The following CACNA1C variants were observed in gnomAD, a reference collection of about 807,000 sequenced individuals.
The protein encoded by CACNA1C is calcium voltage-gated channel subunit alpha1 C, also known as voltage-dependent L-type calcium channel subunit alpha-1C.
A neutral mutation model predicts 229.0 loss-of-function variants in CACNA1C; 30 were observed. The ratio of observed to expected loss-of-function variants is 0.13; its 90% CI spans 0.10 to 0.18. CACNA1C has a LOEUF of 0.18. Among genes scored for constraint, CACNA1C ranks in the 10% least tolerant of loss-of-function variants. The pLI, the probability that CACNA1C is intolerant of heterozygous loss-of-function variation, is 1.00. For synonymous variants in CACNA1C, 1,114 were observed against 1,132.5 expected (o/e 0.98, Z 0.33); for missense variants, 1,658 against 2,845.0 (o/e 0.58, Z 9.49).
At chr12:2,419,428 AC>A (rs1179003117) in intron 3 of CACNA1C, among the ~76,000 whole-genome samples, 1 of 151,902 alleles carries the variant, frequency 6.6e-6, no homozygotes, top group Non-Finnish European at 1.5e-5. Flanking sequence ...CGGCCTGAAC[AC>A]CCCCACCAGG....
chr12:2,648,486 T>A lies in CACNA1C; in HGVS notation c.3924T>A (p.His1308Gln), dbSNP rs2094568470. The change falls in exon 31 of 47, where the codon CAT (histidine) becomes CAA (glutamine). Residue 1308 changes from histidine to glutamine, a missense_variant. His to Gln is a conservative substitution (Grantham distance 24, BLOSUM62 0). Transcript: ENST00000399655. ...GCCTTTCTTTAAAGCCAGCTGAACA[T>A]ACCCAATGCTCTCCCTCTATGGTAA... ...IAITEVNPAE[H>Q]TQCSPSMNAE... 6.2e-7 allele frequency: 1 copy of A among 1,613,798 alleles called. No individual in the cohort carries two copies. The highest frequency in any genetic ancestry group is 1.3e-5 in the African/African-American group (1 of 74,928).
intron 1 of CACNA1C, among the ~76,000 whole-genome samples, chr12:2,057,614 A>G (rs974647409): frequency 5.3e-5 from 8 of 151,358 alleles, no homozygotes; most frequent in African/African-American, 1.9e-4. Flanking sequence ...TCCCACAGTG[A>G]CCTCTCCACC....
At chr12:2,368,737 G>A (rs987211550) in intron 3 of CACNA1C, among the ~76,000 whole-genome samples, 11 of 152,136 alleles carry the variant, frequency 7.2e-5, no homozygotes, top group African/African-American at 2.7e-4. Context: ...ACAGCCCAGG[G>A]TGTATTTTCT....
At chr12:2,682,701 G>A (rs1259685381) in intron 43 of CACNA1C, 23 bp downstream of exon 43, 1 of 1,602,710 alleles carries the variant, frequency 6.2e-7, no homozygotes, top group Non-Finnish European at 8.5e-7. Context: ...GCCCTCTGCT[G>A]AGGCTGACCC....
chr12:2,406,286 G>A (rs1194412740), intron 3 of CACNA1C, among the ~76,000 whole-genome samples: 2 of 152,150 alleles, frequency 1.3e-5, no homozygotes, highest in African/African-American at 2.4e-5. Flanking sequence ...TCTTGAATCT[G>A]TAGGTTTATG....
chr12:2,450,535 C>T (rs946334424), intron 4 of CACNA1C, among the ~76,000 whole-genome samples: 2 of 102,586 alleles, frequency 1.9e-5, no homozygotes, highest in Admixed American at 3.1e-4. Context: ...GCCTGGGCAA[C>T]AGAGCGAGAC....
intron 29 of CACNA1C, among the ~76,000 whole-genome samples, chr12:2,616,550 C>T (rs1048051321): frequency 6.6e-6 from 1 of 152,254 alleles, no homozygotes; most frequent in South Asian, 2.1e-4. Flanking sequence ...TGAGCTGGCC[C>T]TAAGAAGGCA....
rs80232801 is a variant in CACNA1C at position 2,181,288 on chromosome 12, T to C, written c.477+60858T>C. 0.029 allele frequency among the ~76,000 whole-genome samples: 4,345 copies of C among 152,270 alleles called. 186 individuals are homozygous for C. The highest frequency in any genetic ancestry group is 0.098 in the African/African-American group (4,082 of 41,528). ...AATTGCAGTCCTTTCACAGAGGCAG[T>C]TCCTGAGTCTCTAGTCTTGGGGCTC... On this transcript the variant is annotated intron_variant, in intron 3 of 46. Transcript: ENST00000399655. The surrounding 1 kb of genome is among the most constrained non-coding windows in gnomAD (Gnocchi z 4.0).
At chr12:2,073,519 A>G (rs1356546180) in intron 1 of CACNA1C, among the ~76,000 whole-genome samples, 3 of 152,204 alleles carry the variant, frequency 2.0e-5, no homozygotes, top group Admixed American at 2.0e-4. Flanking sequence ...CTCCAGGCCA[A>G]CTTTGCCAGG....
chr12:2,309,533 C>T (rs954800103), intron 3 of CACNA1C, among the ~76,000 whole-genome samples: 4 of 152,028 alleles, frequency 2.6e-5, no homozygotes, highest in African/African-American at 7.2e-5. Flanking sequence ...CTGTGTTATT[C>T]AGCTCTATTG....
intron 3 of CACNA1C, among the ~76,000 whole-genome samples, chr12:2,255,361 G>A (rs2077040010): frequency 6.6e-6 from 1 of 152,036 alleles, no homozygotes; most frequent in African/African-American, 2.4e-5. Flanking sequence ...TAACAGACCT[G>A]GGGTCATTCG....
chr12:2,176,248 G>A (rs536396173), intron 3 of CACNA1C, among the ~76,000 whole-genome samples: 1 of 152,148 alleles, frequency 6.6e-6, no homozygotes, highest in South Asian at 2.1e-4. Context: ...GAAGGCTGGA[G>A]TGCGTGAGGT....
intron 1 of CACNA1C, among the ~76,000 whole-genome samples, chr12:2,110,911 G>A (rs951942811): frequency 1.1e-5 from 1 of 92,448 alleles, no homozygotes; most frequent in Non-Finnish European, 2.4e-5. Context: ...GCCCAGGCCC[G>A]GAGGTGGTCA....
intron 3 of CACNA1C, among the ~76,000 whole-genome samples, chr12:2,192,713 T>TC (rs2097275995): frequency 6.7e-6 from 1 of 149,684 alleles, no homozygotes; most frequent in Admixed American, 6.6e-5. Flanking sequence ...TACCTGGCAC[T>TC]CCCCCCACTC....
chr12:2,079,330 C>G (rs2154043341), intron 1 of CACNA1C, among the ~76,000 whole-genome samples: 1 of 152,140 alleles, frequency 6.6e-6, no homozygotes, highest in African/African-American at 2.4e-5. Context: ...GTTTGGCTGC[C>G]ATAACAATTT....
chr12:2,255,390 C>G (rs1297836749), intron 3 of CACNA1C, among the ~76,000 whole-genome samples: 3 of 152,162 alleles, frequency 2.0e-5, no homozygotes, highest in African/African-American at 7.2e-5. Flanking sequence ...CAGGCAGGCC[C>G]TCTCTCCTAG....
intron 3 of CACNA1C, among the ~76,000 whole-genome samples, chr12:2,255,774 T>G (rs1362823646): frequency 1.4e-4 from 7 of 49,750 alleles, no homozygotes; most frequent in Non-Finnish European, 2.5e-4. Context: ...GGATATCACA[T>G]TAAACAAAAT....
At chr12:2,546,515 G>A (rs2099881499) in intron 9 of CACNA1C, among the ~76,000 whole-genome samples, 1 of 152,186 alleles carries the variant, frequency 6.6e-6, no homozygotes, top group South Asian at 2.1e-4. Flanking sequence ...AGTGGCTGGT[G>A]TCTTCACACT....
chr12:2,666,821 T>C lies in CACNA1C; in HGVS notation c.4623+39T>C, dbSNP rs2153713717. Reference sequence around the variant, plus strand: ...GGGTTCATGGGAGGGAGAGGGAAAATAGGGGAAGTGAAGTGCCCATTTCTT... The same window carrying C: ...GGGTTCATGGGAGGGAGAGGGAAAACAGGGGAAGTGAAGTGCCCATTTCTT... On this transcript the variant is annotated intron_variant, in intron 37 of 46. Coordinates refer to ENST00000399655, the MANE Select transcript of CACNA1C (RefSeq NM_000719.7). The surrounding 1 kb of genome is among the most constrained non-coding windows in gnomAD (Gnocchi z 5.3). 8.0e-7 allele frequency: 1 copy of C among 1,250,782 alleles called. No individual in the cohort carries two copies. The highest frequency in any genetic ancestry group is 1.1e-6 in the Non-Finnish European group (1 of 870,176). The allele number at this position is 1,250,782 out of a possible 1,614,324, so 77.5% of individuals were successfully genotyped here. A position where few individuals can be genotyped will look rare whatever the true frequency, so the allele number is the denominator to read the frequency against.
Sources: gnomAD v4.1 joint callset for allele counts (sites outside exome capture counted in the v4.1 genomes callset) on GRCh38, gnomAD v4.1.1 for gene constraint, Gnocchi (gnomAD v3.1) non-coding constraint, MANE v1.5 for transcripts, NCBI Gene and HGNC (gene_info 2026-07-23, HGNC 2026-07-21) for gene names.